The following GABRA2 variants were observed in gnomAD, a reference collection of about 807,000 sequenced individuals.
GABRA2 encodes the protein gamma-aminobutyric acid receptor subunit alpha-2.
A neutral mutation model predicts 48.7 loss-of-function variants in GABRA2; 16 were observed. That is an observed-to-expected ratio of 0.33 (90% CI 0.22 to 0.50). The LOEUF (loss-of-function observed/expected upper bound fraction) is 0.50. GABRA2 is among the 20% of genes least tolerant of loss of function. GABRA2 has a pLI of 0.98. For missense variants in GABRA2, 275 were observed against 535.6 expected (o/e 0.51, Z 4.80); for synonymous variants, 185 against 184.5 (o/e 1.00, Z -0.02).
chr4:46,339,509 A>G (rs1732845207), intron 3 of GABRA2, among the ~76,000 whole-genome samples: 1 of 151,922 alleles, frequency 6.6e-6, no homozygotes, highest in South Asian at 2.1e-4. Flanking sequence ...CTTAGTTCAC[A>G]GTCATTTAAA....
At chr4:46,374,318 C>T (rs1003237921) in intron 3 of GABRA2, among the ~76,000 whole-genome samples, 1 of 152,160 alleles carries the variant, frequency 6.6e-6, no homozygotes, top group Non-Finnish European at 1.5e-5. Flanking sequence ...CTAAACCCCT[C>T]CAGTTCAAGT....
chr4:46,359,384 T>A (rs1164043271), intron 3 of GABRA2, among the ~76,000 whole-genome samples: 2 of 152,150 alleles, frequency 1.3e-5, no homozygotes, highest in African/African-American at 4.8e-5. Flanking sequence ...ATTATAATCA[T>A]TATACTCAAC....
intron 3 of GABRA2, chr4:46,365,636 T>G (rs537324792): frequency 8.5e-5 from 13 of 152,268 alleles, no homozygotes; most frequent in African/African-American, 3.1e-4. Context: ...CTATAAATGT[T>G]AGTTATTTTA....
Position 46,389,805 on chromosome 4 carries a change from G to T in GABRA2, c.-81C>A, listed in dbSNP as rs201510097. On this transcript the variant is annotated 5_prime_UTR_variant, in exon 1 of 10. Coordinates refer to ENST00000381620, the MANE Select transcript of GABRA2 (RefSeq NM_000807.4). ...TCTTGACGAGATAGGAAACTTGGGA[G>T]AGAGAGAGAGAGAGAGAGAGAGAGA... 4.5e-6 allele frequency: 1 copy of T among 220,830 alleles called. No individual in the cohort carries two copies. The highest frequency in any genetic ancestry group is 1.3e-4 in the African/African-American group (1 of 7,618). 13.7% of individuals were successfully genotyped at this position (220,830 alleles called of 1,614,324 possible). A position where few individuals can be genotyped will look rare whatever the true frequency, so the allele number is the denominator to read the frequency against.
At chr4:46,279,228 G>A (rs1474279407) in intron 8 of GABRA2, among the ~76,000 whole-genome samples, 1 of 152,068 alleles carries the variant, frequency 6.6e-6, no homozygotes, top group East Asian at 1.9e-4. Context: ...CTAACTACCT[G>A]ATATACACTT....
intron 3 of GABRA2, among the ~76,000 whole-genome samples, chr4:46,347,416 T>G (rs1438455669): frequency 6.6e-6 from 1 of 151,792 alleles, no homozygotes; most frequent in Admixed American, 6.6e-5. Context: ...TGGAATAGGA[T>G]AGAAAGCACA....
At chr4:46,320,918 T>C (rs1381912646) in intron 4 of GABRA2, among the ~76,000 whole-genome samples, 4 of 151,900 alleles carry the variant, frequency 2.6e-5, no homozygotes, top group Non-Finnish European at 5.9e-5. Context: ...TTTAAAGATA[T>C]TGGCATTCAC....
rs140937562 is a variant in GABRA2 at position 46,332,786 on chromosome 4, C to T, written c.188-104G>A. The T allele has an allele frequency of 2.1e-4, 136 of 652,064 alleles. 2 individuals carry two copies. In the East Asian group the frequency reaches 3.8e-3, roughly 18 times the overall value. The allele number at this position is 652,064 out of a possible 1,614,324, so 40.4% of individuals were successfully genotyped here. ...TGGTTTGAAAGCTGTGTCACAAATT[C>T]GGGAGTACTGGGTTTTACTTTCTTG... On this transcript the variant is annotated intron_variant, in intron 3 of 9. Transcript: ENST00000381620.
intron 8 of GABRA2, among the ~76,000 whole-genome samples, chr4:46,300,282 A>G (rs369862527): frequency 6.6e-5 from 10 of 151,828 alleles, no homozygotes; most frequent in African/African-American, 2.4e-4. Flanking sequence ...ATTTGATATC[A>G]TATATTCAGT....
intron 5 of GABRA2, among the ~76,000 whole-genome samples, chr4:46,311,219 A>G (rs1411617860): frequency 6.6e-6 from 1 of 152,210 alleles, no homozygotes; most frequent in African/African-American, 2.4e-5. Context: ...GGAGAGACAG[A>G]GGCAGAAAGA....
At position 46,247,563 on chromosome 4, in the gene GABRA2, T is replaced by G. The variant is rs1388483045; in HGVS notation, c.*2745A>C. 1.3e-5 allele frequency among the ~76,000 whole-genome samples: 2 copies of G among 151,250 alleles called. No homozygotes were observed. The highest frequency in any genetic ancestry group is 4.8e-5 in the African/African-American group (2 of 41,352). ...GAGATTATATCTCTATATATGTACA[T>G]GTATTTATCTACATTTTGTACATAC... On this transcript the variant is annotated 3_prime_UTR_variant, in exon 10 of 10. Transcript: ENST00000381620.
rs940011034 is a variant in GABRA2 at position 46,313,099 on chromosome 4, G to C, written c.256-383C>G. On this transcript the variant is annotated intron_variant, in intron 4 of 9. Coordinates refer to ENST00000381620, the MANE Select transcript of GABRA2 (RefSeq NM_000807.4). ...AGCCTATTTCAAGAAAAAATGAGTA[G>C]GCAGCTTTCCCAGTAGCAAATAAAT... Among the ~76,000 whole-genome samples, 3 of 135,896 alleles carry C rather than the reference G, an allele frequency of 2.2e-5. No homozygotes were observed. The East Asian group carries it at 6.3e-4, about 29-fold the overall frequency. The allele number at this position is 135,896 out of a possible 152,430, so 89.2% of individuals were successfully genotyped here.
rs937067232 is a variant in GABRA2 at position 46,301,131 on chromosome 4, C to T, written c.856+2329G>A. Among the ~76,000 whole-genome samples, 9 of 151,638 alleles carry T rather than the reference C, an allele frequency of 5.9e-5. No individual in the cohort carries two copies. In the South Asian group the frequency reaches 1.9e-3, roughly 32 times the overall value. ...GTAGATCTTATGTTAAGTATCCTTA[C>T]CCTCCCTCCCTTCACTCAACTCAAT... On this transcript the variant is annotated intron_variant, in intron 8 of 9. Transcript: ENST00000381620.
intron 3 of GABRA2, among the ~76,000 whole-genome samples, chr4:46,341,623 A>G (rs1733258229): frequency 6.6e-6 from 1 of 152,068 alleles, no homozygotes; most frequent in Non-Finnish European, 1.5e-5. Flanking sequence ...GGGAAGTAAC[A>G]TCTTCAACAC....
rs556651738 is a variant in GABRA2, at chr4:46,245,487, T to C, written c.*4821A>G. Among the ~76,000 whole-genome samples the C allele has an allele frequency of 1.3e-5, 2 of 151,414 alleles. No homozygotes were observed. Among genetic ancestry groups the C allele is most frequent in the South Asian group, 4.1e-4 (2 of 4,822 alleles). The stretch of plus-strand genomic sequence containing the variant: ...AAAGTTTACACCAACATAGAAAAGA[T>C]ATTTTTAACCATATGCATAACTCAA... On this transcript the variant is annotated 3_prime_UTR_variant, in exon 10 of 10. Transcript: ENST00000381620.
intron 4 of GABRA2, among the ~76,000 whole-genome samples, chr4:46,314,491 T>C (rs1728208877): frequency 6.6e-6 from 1 of 152,108 alleles, no homozygotes; most frequent in Non-Finnish European, 1.5e-5. Context: ...TTTTATTTTT[T>C]AATAACTTCA....
intron 3 of GABRA2, among the ~76,000 whole-genome samples, chr4:46,358,726 C>T (rs1578162879): frequency 6.6e-6 from 1 of 152,188 alleles, no homozygotes; most frequent in South Asian, 2.1e-4. Context: ...TGCAATTAAT[C>T]TAGGATTAGT....
At chr4:46,364,706 C>G (rs1461288095) in intron 3 of GABRA2, 1 of 152,204 alleles carries the variant, frequency 6.6e-6, no homozygotes, top group East Asian at 1.9e-4. Flanking sequence ...AAGAATCTCC[C>G]TCATGTTTTA....
At chr4:46,359,347 T>C (rs184807659) in intron 3 of GABRA2, among the ~76,000 whole-genome samples, 1 of 152,288 alleles carries the variant, frequency 6.6e-6, no homozygotes, top group Admixed American at 6.5e-5. Flanking sequence ...GCACTTAAGA[T>C]TCTCTGACAC....
Sources: allele counts gnomAD v4.1 joint callset (sites outside exome capture counted in the v4.1 genomes callset), GRCh38; gene constraint gnomAD v4.1.1; transcripts MANE v1.5; gene names NCBI Gene and HGNC (gene_info 2026-07-23, HGNC 2026-07-21).